The following SPARCL1 variants were observed in gnomAD, a reference collection of about 807,000 sequenced individuals.
The protein encoded by SPARCL1 is SPARC like 1.
In SPARCL1, 52 loss-of-function variants were observed where a neutral mutation model predicts 67.1. The ratio of observed to expected loss-of-function variants is 0.78; its 90% confidence interval spans 0.62 to 0.98. SPARCL1 has a LOEUF of 0.98. Ranked by LOEUF, SPARCL1 falls within the 50% of genes least tolerant of loss-of-function variation. The pLI, the probability that SPARCL1 is intolerant of heterozygous loss-of-function variation, is 0.00. For missense variants in SPARCL1, 717 were observed against 782.4 expected, an observed-to-expected ratio of 0.92 and a Z score of 1.00; for synonymous variants, 226 against 267.8, an observed-to-expected ratio of 0.84 and a Z score of 1.52.
intron 2 of SPARCL1, chr4:87,497,196 A>C (rs538340695): frequency 1.0e-6 from 1 of 985,216 alleles, no homozygotes; most frequent in Non-Finnish European, 1.2e-6. Flanking sequence ...TACAGGATTC[A>C]TATTAGGTTT....
At chr4:87,478,015 CCTCT>C (rs1287463926) in intron 10 of SPARCL1, among the ~76,000 whole-genome samples, 2 of 152,158 alleles carry the variant, frequency 1.3e-5, no homozygotes, top group East Asian at 3.8e-4. Context: ...TTCACCTCTT[CCTCT>C]CTAATTTCAA....
intron 1 of SPARCL1, among the ~76,000 whole-genome samples, chr4:87,519,226 A>G (rs1056908248): frequency 6.6e-6 from 1 of 151,900 alleles, no homozygotes; most frequent in Non-Finnish European, 1.5e-5. Context: ...GCACACAACC[A>G]CGCCCGGCTA....
Position 87,494,292 on chromosome 4 carries a change from A to G in SPARCL1, c.508T>C (p.Tyr170His), listed in dbSNP as rs1180371256. 1 of 1,613,956 alleles carries G rather than the reference A, an allele frequency of 6.2e-7. No individual in the cohort carries two copies. The highest frequency in any genetic ancestry group is 8.5e-7 in the Non-Finnish European group (1 of 1,179,970). ...CTCCTGTTCAACTGATGATGTGAATAATTTCTAGGTTGTTCTTGGTTTTCC... is the reference window on the plus strand; with the variant it reads ...CTCCTGTTCAACTGATGATGTGAATGATTTCTAGGTTGTTCTTGGTTTTCC... ...REENQEQPRN[Y>H]SHHQLNRSSK... is the part of the protein sequence containing the mutation. The change falls in exon 4 of 11, where the codon TAT (tyrosine) becomes CAT (histidine). Residue 170 changes from tyrosine (Y) to histidine (H), a missense_variant. Physicochemically the swap from Tyr to His is moderately conservative, Grantham distance 83 (BLOSUM62 2). Coordinates refer to ENST00000282470, the MANE Select transcript of SPARCL1 (RefSeq NM_004684.6).
Position 87,499,530 on chromosome 4 carries a change from A to C in SPARCL1, c.45T>G (p.Ala15=), listed in dbSNP as rs1319337978. Residue 15 remains alanine, a synonymous_variant, in exon 2 of 11, where the codon GCT becomes GCG. Coordinates refer to ENST00000282470, the MANE Select transcript of SPARCL1 (RefSeq NM_004684.6). ...AAGAAAGGAAATTTACCGGGATTGC[A>C]GCTGCAGTTCCCAAGAGACATAGGA... ...LFFLCLLGTA[A]AIPTNARLLS... 6.2e-7 allele frequency: 1 copy of C among 1,603,828 alleles called. No homozygotes were observed. Among genetic ancestry groups the C allele is most frequent in the Non-Finnish European group, 8.5e-7 (1 of 1,177,108 alleles).
At chr4:87,507,653 A>G (rs1356622670) in intron 1 of SPARCL1, among the ~76,000 whole-genome samples, 4 of 152,116 alleles carry the variant, frequency 2.6e-5, no homozygotes, top group Non-Finnish European at 5.9e-5. Context: ...CAAGCAATCA[A>G]CTCTGCAGCA....
rs539952554 is a variant in SPARCL1, at chr4:87,529,195, A to C, written c.-162T>G. On this transcript the variant is annotated 5_prime_UTR_variant, in exon 1 of 11. An upstream start codon of the reference 5' UTR is lost. Transcript: ENST00000282470. Reference sequence around the variant, plus strand: ...TAGCTCTGCTTCTTTGCCCAGAGGCATATTCAAGTCTACTGGAGTTGAAAT... The same window carrying C: ...TAGCTCTGCTTCTTTGCCCAGAGGCCTATTCAAGTCTACTGGAGTTGAAAT... 1.6e-4 allele frequency: 25 copies of C among 152,350 alleles called. No individual in the cohort carries two copies. Among genetic ancestry groups the C allele is most frequent in the African/African-American group, 6.0e-4 (25 of 41,594 alleles). 9.4% of individuals were successfully genotyped at this position (152,350 alleles called of 1,614,324 possible).
chr4:87,474,746 T>C (rs1052997564), intron 10 of SPARCL1, among the ~76,000 whole-genome samples: 17 of 148,632 alleles, frequency 1.1e-4, no homozygotes, highest in Middle Eastern at 3.5e-3. Flanking sequence ...TCTCTCTCTT[T>C]TTTTTTTTTT....
At chr4:87,505,200 C>T (rs1429272891) in intron 1 of SPARCL1, among the ~76,000 whole-genome samples, 1 of 152,020 alleles carries the variant, frequency 6.6e-6, no homozygotes, top group African/African-American at 2.4e-5. Context: ...ATCCTCTAAC[C>T]CTAATATTTT....
chr4:87,477,304 C>T (rs1002835460), intron 10 of SPARCL1, among the ~76,000 whole-genome samples: 5 of 152,184 alleles, frequency 3.3e-5, no homozygotes, highest in Admixed American at 6.5e-5. Context: ...CATCCTATCC[C>T]AGCTGAGTTT....
chr4:87,499,352 C>T (rs547531785), intron 2 of SPARCL1, among the ~76,000 whole-genome samples, 169 bp downstream of exon 2: 1 of 151,770 alleles, frequency 6.6e-6, no homozygotes, highest in African/African-American at 2.4e-5. Flanking sequence ...TTTTAAGTAC[C>T]TTATCTTGAG....
chr4:87,526,333 T>C (rs1346737804), intron 1 of SPARCL1, among the ~76,000 whole-genome samples: 1 of 152,196 alleles, frequency 6.6e-6, no homozygotes, highest in Non-Finnish European at 1.5e-5. Flanking sequence ...AATATTTCCT[T>C]CTTGATCTCC....
chr4:87,509,111 A>G (rs975783178), intron 1 of SPARCL1, among the ~76,000 whole-genome samples: 19 of 149,992 alleles, frequency 1.3e-4, no homozygotes, highest in African/African-American at 4.6e-4. Context: ...ATATAAAATC[A>G]TATAGTGTAA....
intron 1 of SPARCL1, among the ~76,000 whole-genome samples, chr4:87,505,449 G>A (rs960308723): frequency 4.0e-5 from 6 of 151,782 alleles, no homozygotes; most frequent in Non-Finnish European, 5.9e-5. Context: ...ATTGAAAAAC[G>A]CAGTTTCTTT....
At chr4:87,522,729 G>A (rs1725876121) in intron 1 of SPARCL1, among the ~76,000 whole-genome samples, 1 of 151,416 alleles carries the variant, frequency 6.6e-6, no homozygotes, top group Non-Finnish European at 1.5e-5. Flanking sequence ...ATCAAGGAAA[G>A]CCATTATTGA....
At chr4:87,489,347 T>C (rs1724211501) in intron 7 of SPARCL1, among the ~76,000 whole-genome samples, 1 of 151,780 alleles carries the variant, frequency 6.6e-6, no homozygotes, top group African/African-American at 2.4e-5. Context: ...GGGGAGAGAG[T>C]TTCCCGATCC....
At chr4:87,500,990 T>G (rs1451781298) in intron 1 of SPARCL1, among the ~76,000 whole-genome samples, 1 of 152,256 alleles carries the variant, frequency 6.6e-6, no homozygotes, top group Non-Finnish European at 1.5e-5. Context: ...TGGTTTTGAT[T>G]TAAAAATTGC....
At chr4:87,479,305 C>T in intron 10 of SPARCL1, 125 bp downstream of exon 10, 1 of 1,002,370 alleles carries the variant, frequency 1.0e-6, no homozygotes, top group Admixed American at 2.3e-5. Context: ...ATCTGGGAAG[C>T]TGCCACCTTT....
intron 6 of SPARCL1, among the ~76,000 whole-genome samples, 154 bp from the exon 7 acceptor site, chr4:87,490,547 C>CA (rs1214910015): frequency 2.6e-5 from 4 of 152,042 alleles, no homozygotes; most frequent in Non-Finnish European, 4.4e-5. Context: ...CATTTGGCAT[C>CA]AAAAAAATCA....
At chr4:87,493,543 C>T (rs1431784688) in intron 4 of SPARCL1, 39 bp downstream of exon 4, 4 of 1,546,606 alleles carry the variant, frequency 2.6e-6, no homozygotes, top group African/African-American at 1.4e-5. Flanking sequence ...ATTGATAATG[C>T]TGGCTTTATT....
Sources: gnomAD v4.1 joint callset for allele counts (sites outside exome capture counted in the v4.1 genomes callset) on GRCh38, gnomAD v4.1.1 for gene constraint, MANE v1.5 for transcripts, NCBI Gene and HGNC (gene_info 2026-07-23, HGNC 2026-07-21) for gene names.